ADGRL3: variants seen among roughly 807,000 people sequenced by gnomAD.
ADGRL3 encodes calcium-independent alpha-latrotoxin receptor 3.
In ADGRL3, 62 loss-of-function variants were observed where a neutral mutation model predicts 153.5. The ratio of observed to expected loss-of-function variants is 0.40; its 90% CI spans 0.33 to 0.50. ADGRL3 has a LOEUF of 0.50. ADGRL3 is among the 20% of genes least tolerant of loss of function. The pLI is 0.47. For missense variants in ADGRL3, 1,641 were observed against 1,859.4 expected (o/e 0.88, Z 2.16); for synonymous variants, 710 against 672.5 (o/e 1.06, Z -0.86).
intron 6 of ADGRL3, among the ~76,000 whole-genome samples, chr4:61,726,690 T>C (rs980139982): frequency 2.0e-5 from 3 of 152,170 alleles, no homozygotes; most frequent in Non-Finnish European, 2.9e-5. Flanking sequence ...ATTTTAATAG[T>C]CTAAACCAAA....
chr4:61,954,797 C>T (rs1326003128), intron 17 of ADGRL3, among the ~76,000 whole-genome samples: 2 of 152,158 alleles, frequency 1.3e-5, no homozygotes, highest in African/African-American at 4.8e-5. Context: ...ATATTACCTA[C>T]TCAATGAGGC....
intron 21 of ADGRL3, among the ~76,000 whole-genome samples, chr4:62,018,263 C>T (rs1353314501): frequency 6.6e-6 from 1 of 152,114 alleles, no homozygotes; most frequent in Non-Finnish European, 1.5e-5. Flanking sequence ...AGACAGAGCT[C>T]TCAAGAGCTT....
chr4:61,975,252 T>C (rs936130374), intron 17 of ADGRL3, among the ~76,000 whole-genome samples: 1 of 152,146 alleles, frequency 6.6e-6, no homozygotes, highest in African/African-American at 2.4e-5. Context: ...TTAGATACGA[T>C]GACTCAGAAA....
chr4:61,656,465 G>T (rs960382532), intron 5 of ADGRL3, among the ~76,000 whole-genome samples: 4 of 151,958 alleles, frequency 2.6e-5, no homozygotes, highest in African/African-American at 9.7e-5. Context: ...AATACTTATT[G>T]AGACCAATAT....
rs568934667 is a variant in ADGRL3 at position 61,442,373 on chromosome 4, C to G, written c.-173-54748C>G. Among the ~76,000 whole-genome samples the G allele has an allele frequency of 1.4e-4, 22 of 152,200 alleles. No homozygotes were observed. The South Asian group carries it at 4.6e-3, about 32-fold the overall frequency. ...GAATCAGATACGTAGGAGAAAATGACTAGACGTTAGTTTGAAAATAGGCTG... is the reference window on the plus strand; with the variant it reads ...GAATCAGATACGTAGGAGAAAATGAGTAGACGTTAGTTTGAAAATAGGCTG... On this transcript the variant is annotated intron_variant, in intron 2 of 26. Coordinates refer to ENST00000683033, the MANE Select transcript of ADGRL3 (RefSeq NM_001387552.1).
At chr4:61,676,571 AC>A (rs1325590178) in intron 5 of ADGRL3, among the ~76,000 whole-genome samples, 1 of 151,934 alleles carries the variant, frequency 6.6e-6, no homozygotes, top group African/African-American at 2.4e-5. Flanking sequence ...GCAATATTTA[AC>A]TTCTAACTAG....
chr4:61,337,375 T>C (rs1247465122), intron 1 of ADGRL3, among the ~76,000 whole-genome samples: 1 of 152,112 alleles, frequency 6.6e-6, no homozygotes, highest in Non-Finnish European at 1.5e-5. Context: ...TTTCCTTCCC[T>C]CCACACTCCC....
intron 1 of ADGRL3, among the ~76,000 whole-genome samples, chr4:61,303,460 T>G (rs547994637): frequency 6.8e-6 from 1 of 147,122 alleles, no homozygotes; most frequent in East Asian, 2.0e-4. Context: ...ATTTGCCAGG[T>G]TTTTTTTTTT....
At chr4:61,926,606 A>G (rs568813561) in intron 13 of ADGRL3, among the ~76,000 whole-genome samples, 7 of 152,168 alleles carry the variant, frequency 4.6e-5, no homozygotes, top group Admixed American at 2.6e-4. Context: ...CAATATTCTC[A>G]CTGTAAGATG....
chr4:61,821,710 C>A (rs1444478875), intron 9 of ADGRL3, among the ~76,000 whole-genome samples: 1 of 151,936 alleles, frequency 6.6e-6, no homozygotes, highest in African/African-American at 2.4e-5. Flanking sequence ...TACCTTTTTT[C>A]CCTCAAATAA....
At chr4:61,541,562 A>G (rs149665062) in intron 4 of ADGRL3, among the ~76,000 whole-genome samples, 45 of 152,126 alleles carry the variant, frequency 3.0e-4, no homozygotes, top group African/African-American at 1.1e-3. Flanking sequence ...CCCATGTGAT[A>G]GCTGAACTCC....
chr4:61,621,642 G>A (rs1025116135), intron 5 of ADGRL3, among the ~76,000 whole-genome samples: 3 of 151,528 alleles, frequency 2.0e-5, no homozygotes, highest in Non-Finnish European at 2.9e-5. Flanking sequence ...AACTGTTCTC[G>A]GTTTGACAAA....
In ADGRL3 at chr4:61,963,469, G is replaced by A. The variant is rs1031408324; in HGVS notation, c.2805+15193G>A. Among the ~76,000 whole-genome samples, 16 of 151,534 alleles carry A rather than the reference G, an allele frequency of 1.1e-4. 1 individual carries two copies. Among genetic ancestry groups the A allele is most frequent in the African/African-American group, 3.6e-4 (15 of 41,324 alleles). On this transcript the variant is annotated intron_variant, in intron 17 of 26. Transcript: ENST00000683033. ...CCATTGTTTTCTTTGTTGTGTTTAT[G>A]TGTAGTCGATATTTATCTCCCACTT...
intron 5 of ADGRL3, among the ~76,000 whole-genome samples, chr4:61,636,049 A>G (rs2093408707): frequency 6.6e-6 from 1 of 152,126 alleles, no homozygotes; most frequent in African/African-American, 2.4e-5. Context: ...TAGGACTTCA[A>G]CATATGAATT....
chr4:61,790,548 A>G (rs2097329445), intron 8 of ADGRL3, among the ~76,000 whole-genome samples: 1 of 152,204 alleles, frequency 6.6e-6, no homozygotes, highest in Admixed American at 6.5e-5. Flanking sequence ...TACTGTAATA[A>G]AAGTTATATT....
intron 6 of ADGRL3, among the ~76,000 whole-genome samples, chr4:61,707,175 G>A (rs1270320219): frequency 3.3e-5 from 5 of 152,078 alleles, no homozygotes; most frequent in East Asian, 1.9e-4. Flanking sequence ...ATGGTTCGTG[G>A]TCCCCAAAAC....
chr4:61,527,589 T>G (rs2098576028), intron 4 of ADGRL3, among the ~76,000 whole-genome samples: 1 of 152,198 alleles, frequency 6.6e-6, no homozygotes, highest in South Asian at 2.1e-4. Flanking sequence ...TACTTTAGAT[T>G]AACTGTGAAT....
chr4:61,882,463 C>T (rs2098514159), intron 9 of ADGRL3, among the ~76,000 whole-genome samples: 1 of 152,200 alleles, frequency 6.6e-6, no homozygotes, highest in South Asian at 2.1e-4. Context: ...CATTCAGTCA[C>T]TCTTCAACAC....
intron 1 of ADGRL3, among the ~76,000 whole-genome samples, chr4:61,258,230 TGAG>T (rs1323108155): frequency 6.6e-6 from 1 of 152,108 alleles, no homozygotes; most frequent in African/African-American, 2.4e-5. Context: ...AATCCCCAAA[TGAG>T]GAGACACTTT....
Sources: allele counts gnomAD v4.1 joint callset (sites outside exome capture counted in the v4.1 genomes callset), GRCh38; gene constraint gnomAD v4.1.1; transcripts MANE v1.5; gene names NCBI Gene and HGNC (gene_info 2026-07-23, HGNC 2026-07-21).